Variants in RGS6 observed in about 807,000 individuals in gnomAD.
RGS6 encodes the protein regulator of G-protein signaling 6.
A neutral mutation model predicts 78.5 loss-of-function variants in RGS6; 30 were observed. The observed-to-expected ratio is 0.38, with a 90% CI of 0.29 to 0.52. The LOEUF is 0.52. RGS6 is among the 20% of genes least tolerant of loss of function. RGS6 has a pLI of 0.85. For missense variants in RGS6, 495 were observed against 609.7 expected (o/e 0.81, Z 1.98); for synonymous variants, 206 against 206.0 (o/e 1.00, Z 0.00).
intron 3 of RGS6, among the ~76,000 whole-genome samples, chr14:72,453,344 G>A (rs906429479): frequency 6.6e-6 from 1 of 151,870 alleles, no homozygotes; most frequent in Non-Finnish European, 1.5e-5. Context: ...GGCCGGGCGC[G>A]GTGGCTCATG....
chr14:72,617,898 G>A, the RGS6 span, among the ~76,000 whole-genome samples: 3 of 152,130 alleles, frequency 2.0e-5, no homozygotes, highest in African/African-American at 4.8e-5. Context: ...TCCGCTCACC[G>A]AGACCTGCCC....
intron 2 of RGS6, among the ~76,000 whole-genome samples, chr14:72,166,571 G>C (rs923894496): frequency 3.9e-5 from 6 of 152,182 alleles, no homozygotes; most frequent in African/African-American, 1.4e-4. Flanking sequence ...TACTACTGAG[G>C]TCTGTCTGTG....
chr14:71,896,904 A>T, the RGS6 span, among the ~76,000 whole-genome samples: 1 of 152,216 alleles, frequency 6.6e-6, no homozygotes, highest in Non-Finnish European at 1.5e-5. Context: ...ACCTGTAAGT[A>T]GTGGCAGCTA....
At position 72,357,490 on chromosome 14, in the gene RGS6, A is replaced by G. The variant is rs988513298; in HGVS notation, c.184+5296A>G. 4.6e-5 allele frequency among the ~76,000 whole-genome samples: 7 copies of G among 152,206 alleles called. No individual in the cohort carries two copies. In the East Asian group the frequency reaches 1.3e-3, roughly 29 times the overall value. On this transcript the variant is annotated intron_variant, in intron 3 of 17. Transcript: ENST00000553525. ...AATACTGATAGTGATATGGACAATA[A>G]AGTCCAGGCTGAGGTAGTCTCAGAT... is the stretch of plus-strand genomic sequence containing the variant.
chr14:72,474,496 A>G (rs1329784412), intron 9 of RGS6, 129 bp from the exon 10 acceptor site: 3 of 789,318 alleles, frequency 3.8e-6, no homozygotes, highest in Non-Finnish European at 6.1e-6. Flanking sequence ...TTATGGCAAA[A>G]TGGAAAAAAA....
chr14:72,368,478 G>T (rs2082835980), intron 3 of RGS6, among the ~76,000 whole-genome samples: 1 of 152,142 alleles, frequency 6.6e-6, no homozygotes, highest in Non-Finnish European at 1.5e-5. Flanking sequence ...GGTACTTCCA[G>T]ATTAGAAAAC....
In RGS6 at chr14:72,104,350, G is replaced by A. The variant is rs74972392; in HGVS notation, c.84+139475G>A. ...TGATATATTTCCCTTTTAAAGAAAAGCAGTCTTGTGAATTTAGTTGTTGTT... is the reference window on the plus strand; with the variant it reads ...TGATATATTTCCCTTTTAAAGAAAAACAGTCTTGTGAATTTAGTTGTTGTT... On this transcript the variant is annotated intron_variant, in intron 2 of 17. Coordinates refer to ENST00000553525, the MANE Select transcript of RGS6 (RefSeq NM_001204424.2). Among the ~76,000 whole-genome samples the A allele has an allele frequency of 2.1e-3, 326 of 152,258 alleles. 1 individual carries two copies. The highest frequency in any genetic ancestry group is 7.6e-3 in the African/African-American group (314 of 41,540).
intron 2 of RGS6, among the ~76,000 whole-genome samples, chr14:72,306,346 T>C (rs2067239475): frequency 6.6e-6 from 1 of 152,244 alleles, no homozygotes; most frequent in Admixed American, 6.5e-5. Flanking sequence ...GTTGTTTTCA[T>C]GCCTGCTAAC....
At chr14:72,221,197 A>G (rs904502857) in intron 2 of RGS6, among the ~76,000 whole-genome samples, 3 of 152,134 alleles carry the variant, frequency 2.0e-5, no homozygotes, top group African/African-American at 4.8e-5. Flanking sequence ...TGCTATTGCA[A>G]TTTTTTACAT....
chr14:72,416,012 G>T (rs2093783615), intron 3 of RGS6, among the ~76,000 whole-genome samples: 1 of 151,982 alleles, frequency 6.6e-6, no homozygotes, highest in Non-Finnish European at 1.5e-5. Context: ...GCCAGGTGGG[G>T]TGTTGCGTGC....
intron 2 of RGS6, among the ~76,000 whole-genome samples, chr14:72,255,700 A>C (rs2056931174): frequency 6.6e-6 from 1 of 152,188 alleles, no homozygotes; most frequent in East Asian, 1.9e-4. Flanking sequence ...CTATTGCTAA[A>C]AATTGCATAC....
the RGS6 span, among the ~76,000 whole-genome samples, chr14:71,900,767 A>G: frequency 6.6e-6 from 1 of 152,142 alleles, no homozygotes; most frequent in South Asian, 2.1e-4. Flanking sequence ...TAATTTAAAT[A>G]GAAAAGAGGT....
intron 2 of RGS6, among the ~76,000 whole-genome samples, chr14:72,142,944 C>T (rs142109919): frequency 6.6e-6 from 1 of 152,266 alleles, no homozygotes; most frequent in African/African-American, 2.4e-5. Flanking sequence ...GGAATCCTTC[C>T]TTCCCATTTC....
chr14:71,919,385 G>A, the RGS6 span, among the ~76,000 whole-genome samples: 9 of 152,090 alleles, frequency 5.9e-5, no homozygotes, highest in Admixed American at 1.3e-4. Context: ...TCCCAGTGAC[G>A]GCATTTCTGA....
chr14:71,948,726 TTC>T (rs199827798), intron 1 of RGS6, among the ~76,000 whole-genome samples: 7,456 of 104,234 alleles, frequency 0.072, 1,560 homozygotes, highest in South Asian at 0.11. Context: ...CTGATTTCCT[TTC>T]TCTCTCTCTC....
In RGS6 at chr14:72,552,303, C is replaced by T. The variant is rs527364053; in HGVS notation, c.1423-10114C>T. ...GGGACTGTGGTGCCCAGCAGGCCAG[C>T]TTCTGTTCTATGGTCGATTTCCTGG... On this transcript the variant is annotated intron_variant, in intron 17 of 17. Coordinates refer to ENST00000553525, the MANE Select transcript of RGS6 (RefSeq NM_001204424.2). 3.2e-4 allele frequency among the ~76,000 whole-genome samples: 48 copies of T among 152,288 alleles called. No homozygotes were observed. The East Asian group carries it at 8.9e-3, about 28-fold the overall frequency.
rs150339922 is a variant in RGS6 at position 72,460,373 on chromosome 14, G to A, written c.394+690G>A. Reference sequence around the variant, plus strand: ...GGCCACACCCTCACACTACCACATTGTCTGAATGCTCCCTTGATTATAAGC... The same window carrying A: ...GGCCACACCCTCACACTACCACATTATCTGAATGCTCCCTTGATTATAAGC... On this transcript the variant is annotated intron_variant, in intron 6 of 17. Coordinates refer to ENST00000553525, the MANE Select transcript of RGS6 (RefSeq NM_001204424.2). Among the ~76,000 whole-genome samples the A allele has an allele frequency of 5.3e-5, 8 of 152,356 alleles. No individual in the cohort carries two copies. The East Asian group carries it at 1.5e-3, about 29-fold the overall frequency.
At position 72,306,423 on chromosome 14, in the gene RGS6, A is replaced by G. The variant is rs553719790; in HGVS notation, c.85-45672A>G. Reference sequence around the variant, plus strand: ...ATTTCCAAGTCTTATTATTTAAGAAATATACTTTGTGAGGCTATAGCTCCC... The same window carrying G: ...ATTTCCAAGTCTTATTATTTAAGAAGTATACTTTGTGAGGCTATAGCTCCC... On this transcript the variant is annotated intron_variant, in intron 2 of 17. Transcript: ENST00000553525. Among the ~76,000 whole-genome samples the G allele has an allele frequency of 7.2e-5, 11 of 152,358 alleles. No homozygotes were observed. The South Asian group carries it at 1.2e-3, about 17-fold the overall frequency.
chr14:72,510,395 C>A, intron 14 of RGS6, 116 bp downstream of exon 14: 2 of 1,334,466 alleles, frequency 1.5e-6, no homozygotes, highest in Non-Finnish European at 2.1e-6. Flanking sequence ...ATTCAAATGC[C>A]AGCTAATCTG....
Sources: allele counts gnomAD v4.1 joint callset (sites outside exome capture counted in the v4.1 genomes callset), GRCh38; gene constraint gnomAD v4.1.1; transcripts MANE v1.5; gene names NCBI Gene and HGNC (gene_info 2026-07-23, HGNC 2026-07-21).